The following RBM34 variants were observed in gnomAD, a reference collection of about 807,000 sequenced individuals.
RBM34 encodes RNA binding motif protein 34, also known as RNA-binding protein 34.
Under a neutral mutation model 44.6 loss-of-function variants are expected in RBM34, and 39 were observed. That is an observed-to-expected ratio of 0.87 (90% CI 0.68 to 1.14). RBM34 has a LOEUF of 1.14. RBM34 is among the 50% of genes most tolerant of loss of function. RBM34 has a pLI of 0.00. For missense variants in RBM34, 572 were observed against 517.9 expected (o/e 1.10, Z -1.01); for synonymous variants, 194 against 184.0 (o/e 1.05, Z -0.44).
At chr1:235,138,253 T>C (rs1661516439) in intron 6 of RBM34, 79 bp from the exon 7 acceptor site, 1 of 1,189,158 alleles carries the variant, frequency 8.4e-7, no homozygotes, top group Non-Finnish European at 1.2e-6. Flanking sequence ...TAGAAAAAAA[T>C]CTAGCTGTTT....
At chr1:235,157,692 G>C (rs1662509044) in intron 3 of RBM34, among the ~76,000 whole-genome samples, 1 of 152,182 alleles carries the variant, frequency 6.6e-6, no homozygotes, top group African/African-American at 2.4e-5. Flanking sequence ...CAGAGGAAAA[G>C]ATACCACAGT....
chr1:235,135,948 A>G, intron 9 of RBM34, 86 bp downstream of exon 9: 1 of 1,325,066 alleles, frequency 7.5e-7, no homozygotes, highest in Admixed American at 2.2e-5. Flanking sequence ...ATTAGTCTTA[A>G]ATCAAAACAT....
intron 5 of RBM34, 114 bp from the exon 6 acceptor site, chr1:235,148,561 T>A: frequency 1.5e-6 from 1 of 686,518 alleles, no homozygotes; most frequent in Non-Finnish European, 2.2e-6. Context: ...AAAAACATTC[T>A]AGGGAAATAA....
intron 6 of RBM34, among the ~76,000 whole-genome samples, chr1:235,145,966 G>GTTTT (rs34111332): frequency 1.8e-4 from 14 of 77,196 alleles, no homozygotes; most frequent in South Asian, 4.5e-4. Context: ...ATTACAGCAG[G>GTTTT]TTTTTTTTTT....
intron 3 of RBM34, 37 bp downstream of exon 3, chr1:235,160,474 T>C (rs757136120): frequency 1.3e-6 from 2 of 1,578,934 alleles, no homozygotes; most frequent in East Asian, 4.5e-5. Flanking sequence ...ATTTACCATC[T>C]AATTTCTTTA....
intron 6 of RBM34, among the ~76,000 whole-genome samples, chr1:235,139,291 T>C (rs1187437026): frequency 6.6e-6 from 1 of 152,202 alleles, no homozygotes; most frequent in Non-Finnish European, 1.5e-5. Flanking sequence ...CTGATGGCAT[T>C]CTGTAATAAT....
At chr1:235,143,464 G>C (rs533274090) in intron 6 of RBM34, among the ~76,000 whole-genome samples, 2 of 152,196 alleles carry the variant, frequency 1.3e-5, no homozygotes, top group Non-Finnish European at 2.9e-5. Flanking sequence ...GGCCGGGTGC[G>C]ATGGCTCACG....
chr1:235,140,562 GC>G lies in RBM34; in HGVS notation c.702-2389del, dbSNP rs1200366938. Among the ~76,000 whole-genome samples the G allele has an allele frequency of 2.6e-5, 4 of 152,342 alleles. No homozygotes were observed. In the South Asian group the frequency reaches 6.2e-4, roughly 24 times the overall value. On this transcript the variant is annotated intron_variant, in intron 6 of 10. Transcript: ENST00000408888. ...GGGTTCGGGACCTGCAGCCCGCTAT[GC>G]CTGAGCCTCCCACCCCCTCCATGGG... is the stretch of plus-strand genomic sequence containing the variant.
intron 3 of RBM34, among the ~76,000 whole-genome samples, chr1:235,155,862 T>TATATATAC (rs1322918501): frequency 2.8e-3 from 112 of 39,862 alleles, no homozygotes; most frequent in African/African-American, 0.015. Flanking sequence ...TATATATATA[T>TATATATAC]ATATACATAT....
chr1:235,160,783 G>T (rs566179178), intron 2 of RBM34, 110 bp downstream of exon 2: 2 of 1,513,158 alleles, frequency 1.3e-6, no homozygotes, highest in African/African-American at 1.4e-5. Flanking sequence ...TACTTAAAAT[G>T]AATCCTGTCT....
rs752090756 is a variant in RBM34 at position 235,152,773 on chromosome 1, T to TA, written c.598-9dup. On this transcript the variant is annotated splice_polypyrimidine_tract_variant and intron_variant, in intron 4 of 10. Transcript: ENST00000408888. Reference sequence around the variant, plus strand: ...AAAAAACGACTTCAGCTTCTAAAATTAAAAAAAAAAATACACATTAGCTGA... The same window carrying TA: ...AAAAAACGACTTCAGCTTCTAAAATTAAAAAAAAAAAATACACATTAGCTGA... 4.6e-3 allele frequency: 5,853 copies of TA among 1,267,672 alleles called. No homozygotes were observed. The highest frequency in any genetic ancestry group is 7.6e-3 in the South Asian group (500 of 65,626). 78.5% of individuals were successfully genotyped at this position (1,267,672 alleles called of 1,614,324 possible).
At position 235,135,869 on chromosome 1, in the gene RBM34, A is replaced by C. The variant is rs989522398; in HGVS notation, c.890-99T>G. The C allele has an allele frequency of 4.7e-6, 6 of 1,284,196 alleles. No homozygotes were observed. The Admixed American group carries it at 9.2e-5, about 20-fold the overall frequency. 79.6% of individuals were successfully genotyped at this position (1,284,196 alleles called of 1,614,324 possible). ...CAGCTAGTTAAGCATGGTCCCATGA[A>C]AATAAGCCATTATATTGCACACTTT... On this transcript the variant is annotated intron_variant, in intron 9 of 10. Transcript: ENST00000408888.
At chr1:235,140,085 G>C (rs1211241860) in intron 6 of RBM34, among the ~76,000 whole-genome samples, 2 of 152,238 alleles carry the variant, frequency 1.3e-5, no homozygotes, top group Admixed American at 6.5e-5. Context: ...AAGGCACAAA[G>C]CCCCACCTGG....
intron 6 of RBM34, among the ~76,000 whole-genome samples, chr1:235,145,889 G>GAT (rs1661878958): frequency 6.6e-6 from 1 of 150,724 alleles, no homozygotes. Context: ...GGGCTCAAGT[G>GAT]ATCATCTCAC....
In RBM34 at chr1:235,149,246, A is replaced by G. The variant is rs569998403; in HGVS notation, c.658-799T>C. On this transcript the variant is annotated intron_variant, in intron 5 of 10. Coordinates refer to ENST00000408888, the MANE Select transcript of RBM34 (RefSeq NM_015014.4). ...TACTAGAAATACAAAAAAATTAGCC[A>G]GACGTGGTGGCGGGCGCCTGTAGTC... Among the ~76,000 whole-genome samples the G allele has an allele frequency of 1.8e-4, 27 of 151,952 alleles. No individual in the cohort carries two copies. The South Asian group carries it at 4.8e-3, about 27-fold the overall frequency.
At chr1:235,158,688 C>T (rs563381921) in intron 3 of RBM34, among the ~76,000 whole-genome samples, 1 of 152,042 alleles carries the variant, frequency 6.6e-6, no homozygotes, top group Non-Finnish European at 1.5e-5. Flanking sequence ...GTACAAAGGT[C>T]TTCAGTTGAA....
At chr1:235,143,051 A>G (rs67672267) in intron 6 of RBM34, among the ~76,000 whole-genome samples, 24,591 of 152,140 alleles carry the variant, frequency 0.16, 2,218 homozygotes, top group Middle Eastern at 0.23. Flanking sequence ...CCTTACAACC[A>G]TATAAAAATA....
At position 235,148,689 on chromosome 1, in the gene RBM34, G is replaced by C. The variant is rs554205929; in HGVS notation, c.658-242C>G. 5.9e-5 allele frequency among the ~76,000 whole-genome samples: 9 copies of C among 151,492 alleles called. No individual in the cohort carries two copies. In the East Asian group the frequency reaches 1.8e-3, roughly 30 times the overall value. ...TGTCGGCTCATTGCAAGCTCCACCT[G>C]CTGGGTTCACAACATTCTCCTGCCT... On this transcript the variant is annotated intron_variant, in intron 5 of 10. Coordinates refer to ENST00000408888, the MANE Select transcript of RBM34 (RefSeq NM_015014.4).
chr1:235,158,204 C>T (rs1436448698), intron 3 of RBM34, among the ~76,000 whole-genome samples: 1 of 151,984 alleles, frequency 6.6e-6, no homozygotes, highest in Non-Finnish European at 1.5e-5. Flanking sequence ...CACCTGAGGT[C>T]AGGAGTTCAA....
Sources: allele counts gnomAD v4.1 joint callset (sites outside exome capture counted in the v4.1 genomes callset), GRCh38; gene constraint gnomAD v4.1.1; transcripts MANE v1.5; gene names NCBI Gene and HGNC (gene_info 2026-07-23, HGNC 2026-07-21).